The following KLRG1 variants were observed in gnomAD, a reference collection of about 807,000 sequenced individuals.
KLRG1 encodes killer cell lectin-like receptor subfamily G member 1.
KLRG1 carries 16 observed loss-of-function variants against 21.8 expected under a neutral mutation model. The ratio of observed to expected loss-of-function variants is 0.73; its 90% confidence interval spans 0.50 to 1.11. The LOEUF (loss-of-function observed/expected upper bound fraction) is 1.11. KLRG1 is among the 50% of genes most tolerant of loss of function. The pLI is 0.00. For missense variants in KLRG1, 173 were observed against 218.3 expected, an observed-to-expected ratio of 0.79 and a Z score of 1.31; for synonymous variants, 69 against 75.9, an observed-to-expected ratio of 0.91 and a Z score of 0.47.
chr12:8,951,775 G>A (rs1251185270), intron 1 of KLRG1, among the ~76,000 whole-genome samples: 1 of 152,166 alleles, frequency 6.6e-6, no homozygotes. Context: ...TTCAAGTTTT[G>A]ATTTCAGAAA....
chr12:9,207,426 A>G, the KLRG1 span, among the ~76,000 whole-genome samples: 1 of 152,218 alleles, frequency 6.6e-6, no homozygotes, highest in East Asian at 1.9e-4. Flanking sequence ...CTGGACTGCA[A>G]AGGGGCAAGG....
intron 1 of KLRG1, among the ~76,000 whole-genome samples, chr12:8,975,543 A>G (rs1257246979): frequency 1.3e-5 from 2 of 149,754 alleles, no homozygotes; most frequent in Admixed American, 1.3e-4. Context: ...TTGTGTTTTC[A>G]CTCTTTTTTT....
the KLRG1 span, chr12:9,099,277 T>C: frequency 1.8e-6 from 2 of 1,085,566 alleles, no homozygotes; most frequent in Non-Finnish European, 2.7e-6. Flanking sequence ...TCTGGGGAAT[T>C]TGTTTAACCC....
chr12:9,079,252 G>T, the KLRG1 span: 2 of 1,613,292 alleles, frequency 1.2e-6, no homozygotes, highest in South Asian at 2.2e-5. Flanking sequence ...ACCAGGTGTT[G>T]CCCTGGTTCC....
At chr12:9,179,616 G>T in the KLRG1 span, among the ~76,000 whole-genome samples, 1 of 152,076 alleles carries the variant, frequency 6.6e-6, no homozygotes, top group Non-Finnish European at 1.5e-5. Flanking sequence ...TAAATAGTTC[G>T]ATCTGTTAAA....
chr12:8,979,665 C>A (rs1404203111), intron 1 of KLRG1, among the ~76,000 whole-genome samples: 1 of 152,094 alleles, frequency 6.6e-6, no homozygotes, highest in East Asian at 1.9e-4. Flanking sequence ...GCTTCTTTCT[C>A]TATTCTCCTT....
chr12:9,080,234 A>C, the KLRG1 span: 3 of 1,236,154 alleles, frequency 2.4e-6, no homozygotes, highest in Non-Finnish European at 3.5e-6. Context: ...TATCTTTCTA[A>C]ACAGCTCTAT....
the KLRG1 span, chr12:9,168,879 T>A: frequency 1.2e-6 from 2 of 1,613,164 alleles, no homozygotes; most frequent in Non-Finnish European, 1.7e-6. Flanking sequence ...CTCCATAGTA[T>A]CCTTGACCTA....
At chr12:9,032,140 AT>A in the KLRG1 span, among the ~76,000 whole-genome samples, 1 of 152,222 alleles carries the variant, frequency 6.6e-6, no homozygotes, top group Non-Finnish European at 1.5e-5. Flanking sequence ...TGATTAATTG[AT>A]TTTTTTGAGG....
chr12:9,165,801 G>T, the KLRG1 span, among the ~76,000 whole-genome samples: 1 of 152,136 alleles, frequency 6.6e-6, no homozygotes, highest in African/African-American at 2.4e-5. Context: ...AGTATATATA[G>T]AACTGAATAT....
the KLRG1 span, chr12:9,093,495 T>G: frequency 6.2e-7 from 1 of 1,613,938 alleles, no homozygotes; most frequent in Non-Finnish European, 8.5e-7. Context: ...GATCCATGTC[T>G]CAGGGAAGTA....
chr12:9,106,156 T>C, the KLRG1 span: 1 of 799,984 alleles, frequency 1.3e-6, no homozygotes, highest in Admixed American at 2.3e-5. Flanking sequence ...TAACCAGGCA[T>C]GGTTTTAGCA....
the KLRG1 span, among the ~76,000 whole-genome samples, chr12:9,206,227 C>A: frequency 1.3e-5 from 2 of 151,248 alleles, no homozygotes; most frequent in Non-Finnish European, 2.9e-5. Flanking sequence ...TCCTTTAGTT[C>A]TTTGATCTTA....
the KLRG1 span, chr12:9,109,373 G>A: frequency 6.2e-7 from 1 of 1,613,394 alleles, no homozygotes; most frequent in Non-Finnish European, 8.5e-7. Context: ...ATTATCTTTG[G>A]CACTGTTACT....
chr12:9,034,099 T>C, the KLRG1 span, among the ~76,000 whole-genome samples: 5 of 152,154 alleles, frequency 3.3e-5, no homozygotes, highest in African/African-American at 1.2e-4. Context: ...ATCAGTCAGG[T>C]TTCAACCACA....
chr12:9,002,910 T>TACAC (rs59706974), intron 3 of KLRG1, among the ~76,000 whole-genome samples: 40,197 of 144,488 alleles, frequency 0.28, 6,481 homozygotes, highest in Non-Finnish European at 0.36. Context: ...CTCTTTCTAA[T>TACAC]ACACACACAC....
chr12:9,168,739 C>T, the KLRG1 span: 2 of 718,284 alleles, frequency 2.8e-6, no homozygotes, highest in South Asian at 1.9e-5. Flanking sequence ...CAGCAAGAAA[C>T]AATTAATTTG....
chr12:9,174,251 GA>G, the KLRG1 span, among the ~76,000 whole-genome samples: 8 of 152,284 alleles, frequency 5.3e-5, no homozygotes, highest in South Asian at 1.0e-3. Context: ...AATAGGTGCA[GA>G]AAAGGCCTTT....
At chr12:9,027,772 T>C in the KLRG1 span, 3 of 1,376,120 alleles carry the variant, frequency 2.2e-6, no homozygotes, top group Non-Finnish European at 3.1e-6. Flanking sequence ...GCCATCCCCA[T>C]TGCCACCATA....
Sources: gnomAD v4.1 joint callset for allele counts (sites outside exome capture counted in the v4.1 genomes callset) on GRCh38, gnomAD v4.1.1 for gene constraint, MANE v1.5 for transcripts, NCBI Gene and HGNC (gene_info 2026-07-23, HGNC 2026-07-21) for gene names.